Variants in SLC35F4 observed in about 807,000 individuals in gnomAD.
The protein encoded by SLC35F4 is solute carrier family 35 member F4.
A neutral mutation model predicts 44.2 loss-of-function variants in SLC35F4; 24 were observed. The ratio of observed to expected loss-of-function variants is 0.54; its 90% confidence interval spans 0.39 to 0.76. The LOEUF is 0.76. SLC35F4 is among the 30% of genes least tolerant of loss of function. SLC35F4 has a pLI of 0.00. For missense variants in SLC35F4, 562 were observed against 586.1 expected (o/e 0.96, Z 0.42); for synonymous variants, 238 against 223.6 (o/e 1.06, Z -0.57).
intron 1 of SLC35F4, among the ~76,000 whole-genome samples, chr14:57,864,841 A>G (rs1887981766): frequency 6.6e-6 from 1 of 152,252 alleles, no homozygotes; most frequent in Non-Finnish European, 1.5e-5. Flanking sequence ...AATGAGCTGC[A>G]CTTCAGTCGC....
intron 1 of SLC35F4, among the ~76,000 whole-genome samples, chr14:57,948,257 T>G (rs950707003): frequency 6.6e-6 from 1 of 152,174 alleles, no homozygotes; most frequent in African/African-American, 2.4e-5. Context: ...TGATTTAATC[T>G]AGAAGGATTG....
At chr14:57,627,570 G>A (rs1194910035) in intron 1 of SLC35F4, among the ~76,000 whole-genome samples, 1 of 152,080 alleles carries the variant, frequency 6.6e-6, no homozygotes, top group African/African-American at 2.4e-5. Context: ...CTTTTGGGCT[G>A]ACTGGTTTTA....
intron 1 of SLC35F4, among the ~76,000 whole-genome samples, chr14:57,710,449 G>A (rs1355768275): frequency 1.3e-5 from 2 of 152,118 alleles, no homozygotes; most frequent in Admixed American, 1.3e-4. Flanking sequence ...CCCACACAGA[G>A]TCCCTACTAG....
rs146583205 is a variant in SLC35F4, at chr14:57,743,827, A to G, written c.103+121896T>C. On this transcript the variant is annotated intron_variant, in intron 1 of 7. Coordinates refer to ENST00000556826, the MANE Select transcript of SLC35F4 (RefSeq NM_001306087.2). The stretch of plus-strand genomic sequence containing the variant: ...TGAACATCGATGCAAAAAATCCTCA[A>G]TAAAATACTGGCAAACCGAATCCAG... Among the ~76,000 whole-genome samples, 374 of 152,354 alleles carry G rather than the reference A, an allele frequency of 2.5e-3. 1 individual carries two copies. Among genetic ancestry groups the G allele is most frequent in the African/African-American group, 8.1e-3 (337 of 41,594 alleles).
At chr14:57,849,055 G>A (rs1420881984) in intron 1 of SLC35F4, among the ~76,000 whole-genome samples, 1 of 152,174 alleles carries the variant, frequency 6.6e-6, no homozygotes, top group African/African-American at 2.4e-5. Context: ...GGTATATAAT[G>A]CCAGACCCTT....
At chr14:57,713,634 C>A (rs973951349) in intron 1 of SLC35F4, among the ~76,000 whole-genome samples, 1 of 152,150 alleles carries the variant, frequency 6.6e-6, no homozygotes, top group Non-Finnish European at 1.5e-5. Flanking sequence ...AATTTTGTTT[C>A]CATAGCTGCT....
chr14:57,962,852 C>T lies in SLC35F4; in HGVS notation n.282+19061G>A, dbSNP rs562916677. The stretch of plus-strand genomic sequence containing the variant: ...AGCACACTGCGCAAAACCTCAGGCT[C>T]GTTCATTCTTTTGTTCCTTAAACAT... On this transcript the variant is annotated intron_variant and non_coding_transcript_variant, in intron 1 of 1. Coordinates refer to the SLC35F4 transcript ENST00000556568. 5.9e-5 allele frequency among the ~76,000 whole-genome samples: 9 copies of T among 152,332 alleles called. No homozygotes were observed. In the East Asian group the frequency reaches 1.5e-3, roughly 26 times the overall value.
At chr14:57,657,850 T>C (rs549375108) in intron 1 of SLC35F4, among the ~76,000 whole-genome samples, 1 of 152,360 alleles carries the variant, frequency 6.6e-6, no homozygotes, top group Non-Finnish European at 1.5e-5. Context: ...AGAAAGATTT[T>C]AGTTCTGTGT....
chr14:57,625,063 C>T (rs8015883), intron 1 of SLC35F4, among the ~76,000 whole-genome samples: 9,396 of 152,246 alleles, frequency 0.062, 803 homozygotes, highest in African/African-American at 0.2. Flanking sequence ...ACCCCATCAT[C>T]TCAGCCCAAA....
rs143552200 is a variant in SLC35F4, at chr14:57,738,555, T to C, written c.103+127168A>G. 6.3e-3 allele frequency among the ~76,000 whole-genome samples: 952 copies of C among 152,048 alleles called. 6 individuals are homozygous for C. The highest frequency in any genetic ancestry group is 9.4e-3 in the Non-Finnish European group (640 of 68,008). The stretch of plus-strand genomic sequence containing the variant: ...CCCCATGACTGCCCATGTTCTGGTA[T>C]AGATTATATAATACATGCAAAGATG... On this transcript the variant is annotated intron_variant, in intron 1 of 7. Coordinates refer to ENST00000556826, the MANE Select transcript of SLC35F4 (RefSeq NM_001306087.2).
chr14:57,584,633 A>G (rs1218301283), intron 3 of SLC35F4, among the ~76,000 whole-genome samples: 1 of 152,186 alleles, frequency 6.6e-6, no homozygotes, highest in Non-Finnish European at 1.5e-5. Context: ...GCTTCACTCT[A>G]CATGCACTAT....
At chr14:57,672,151 C>T (rs2074542368) in intron 1 of SLC35F4, among the ~76,000 whole-genome samples, 1 of 151,974 alleles carries the variant, frequency 6.6e-6, no homozygotes, top group Non-Finnish European at 1.5e-5. Context: ...CTGAGGTGGA[C>T]CGAGTCACCT....
chr14:57,662,566 G>A (rs1176025530), intron 1 of SLC35F4, among the ~76,000 whole-genome samples: 5 of 152,076 alleles, frequency 3.3e-5, no homozygotes, highest in Non-Finnish European at 7.4e-5. Flanking sequence ...TCTTTGTCAT[G>A]TTATGATGCA....
chr14:57,849,638 T>C (rs1182327478), intron 1 of SLC35F4, among the ~76,000 whole-genome samples: 1 of 152,128 alleles, frequency 6.6e-6, no homozygotes, highest in Non-Finnish European at 1.5e-5. Flanking sequence ...ACAAAAGAGC[T>C]ACTAAAACTT....
chr14:57,619,555 C>A (rs568823902), intron 1 of SLC35F4, among the ~76,000 whole-genome samples: 18 of 151,998 alleles, frequency 1.2e-4, no homozygotes, highest in Non-Finnish European at 2.2e-4. Context: ...ACATCAGAGA[C>A]CAAAGGTAGA....
At chr14:57,826,242 C>G (rs1883749211) in intron 1 of SLC35F4, among the ~76,000 whole-genome samples, 1 of 151,922 alleles carries the variant, frequency 6.6e-6, no homozygotes, top group South Asian at 2.1e-4. Flanking sequence ...ACAAAAAGCT[C>G]ACAAAAGCAA....
At chr14:57,967,272 A>C (rs1273328532) in intron 1 of SLC35F4, among the ~76,000 whole-genome samples, 1 of 152,204 alleles carries the variant, frequency 6.6e-6, no homozygotes, top group Non-Finnish European at 1.5e-5. Context: ...ATCATATAAA[A>C]TAAAAATGTC....
At chr14:57,685,681 G>A (rs1213971513) in intron 1 of SLC35F4, among the ~76,000 whole-genome samples, 1 of 152,106 alleles carries the variant, frequency 6.6e-6, no homozygotes, top group African/African-American at 2.4e-5. Flanking sequence ...AATCCTAGTT[G>A]GTGTTCAAGA....
intron 1 of SLC35F4, among the ~76,000 whole-genome samples, chr14:57,688,050 A>T (rs910277539): frequency 1.3e-5 from 2 of 152,142 alleles, no homozygotes; most frequent in Non-Finnish European, 2.9e-5. Flanking sequence ...TGTTTAGAGA[A>T]TTCTGATAGA....
Sources: gnomAD v4.1 joint callset for allele counts (sites outside exome capture counted in the v4.1 genomes callset) on GRCh38, gnomAD v4.1.1 for gene constraint, MANE v1.5 for transcripts, NCBI Gene and HGNC (gene_info 2026-07-23, HGNC 2026-07-21) for gene names.